AGPAT3: variants seen among roughly 807,000 people sequenced by gnomAD.
AGPAT3 encodes 1-acylglycerol-3-phosphate O-acyltransferase 3, also known as 1-acyl-sn-glycerol-3-phosphate acyltransferase gamma.
Under a neutral mutation model 47.3 loss-of-function variants are expected in AGPAT3, and 5 were observed. The observed-to-expected ratio is 0.11, with a 90% CI of 0.06 to 0.22. The LOEUF (loss-of-function observed/expected upper bound fraction) is 0.22, where lower values mean the gene tolerates loss of function less well. AGPAT3 is among the 10% of genes least tolerant of loss of function. The pLI, the probability that AGPAT3 is intolerant of heterozygous loss-of-function variation, is 1.00. For synonymous variants in AGPAT3, 212 were observed against 208.3 expected (o/e 1.02, Z -0.15); for missense variants, 315 against 493.0 (o/e 0.64, Z 3.42).
chr21:43,938,496 G>T (rs990942619), intron 2 of AGPAT3, among the ~76,000 whole-genome samples: 3 of 151,976 alleles, frequency 2.0e-5, no homozygotes, highest in African/African-American at 7.3e-5. Context: ...GTTTCACCAT[G>T]TTGGCCAGGC....
chr21:43,927,491 A>G (rs964029211), intron 2 of AGPAT3, among the ~76,000 whole-genome samples: 14 of 152,180 alleles, frequency 9.2e-5, no homozygotes, highest in African/African-American at 3.4e-4. Context: ...ACCTGATTTT[A>G]GAAGTTAGCA....
Position 43,963,097 on chromosome 21 carries a change from G to A in AGPAT3, c.178+3238G>A, listed in dbSNP as rs921786594. Among the ~76,000 whole-genome samples, 8 of 152,324 alleles carry A rather than the reference G, an allele frequency of 5.3e-5. No homozygotes were observed. In the South Asian group the frequency reaches 1.7e-3, roughly 32 times the overall value. ...AACCGTATGGATGGATTTTGTATCA[G>A]ATTAGACACAGTTAATGAGAGAATG... On this transcript the variant is annotated intron_variant, in intron 3 of 9. Transcript: ENST00000291572.
intron 1 of AGPAT3, among the ~76,000 whole-genome samples, chr21:43,884,321 T>C (rs1026039763): frequency 2.1e-5 from 3 of 144,704 alleles, no homozygotes; most frequent in Admixed American, 1.4e-4. Context: ...TTTGGCCTCA[T>C]AGATAAGCGG....
rs555369258 is a variant in AGPAT3, at chr21:43,908,459, G to A, written c.-49+4440G>A. On this transcript the variant is annotated intron_variant, in intron 2 of 9. Coordinates refer to ENST00000291572, the MANE Select transcript of AGPAT3 (RefSeq NM_020132.5). This position sits in a 1 kb window ranked among gnomAD's most constrained non-coding sequence, Gnocchi z 4.9. ...TTGTGGAACCCGGTGTGTATGACTC[G>A]CTCCGTGATTCATAACAAGGCATTT... 9.2e-5 allele frequency among the ~76,000 whole-genome samples: 14 copies of A among 152,270 alleles called. No individual in the cohort carries two copies. The South Asian group carries it at 2.5e-3, about 27-fold the overall frequency.
intron 7 of AGPAT3, among the ~76,000 whole-genome samples, chr21:43,972,904 C>T (rs959753844): frequency 2.6e-5 from 4 of 152,240 alleles, no homozygotes; most frequent in South Asian, 2.1e-4. Context: ...CTGCACAGAG[C>T]GGTCACTATA....
chr21:43,959,499 G>C (rs2088718907), intron 2 of AGPAT3, 135 bp from the exon 3 acceptor site: 1 of 737,066 alleles, frequency 1.4e-6, no homozygotes, highest in East Asian at 2.7e-5. Flanking sequence ...ACGTGTGTGG[G>C]GTTTGCAGTG....
intron 1 of AGPAT3, among the ~76,000 whole-genome samples, chr21:43,870,162 G>C (rs1422698154): frequency 6.6e-6 from 1 of 152,236 alleles, no homozygotes; most frequent in Non-Finnish European, 1.5e-5. Flanking sequence ...GGCTGGCAGT[G>C]AGCTGGTGCA....
intron 2 of AGPAT3, among the ~76,000 whole-genome samples, chr21:43,924,206 T>A (rs1449319242): frequency 7.3e-6 from 1 of 136,642 alleles, no homozygotes; most frequent in African/African-American, 2.7e-5. Flanking sequence ...TTTTTTTTTT[T>A]AGCAGAGACG....
In AGPAT3 at chr21:43,985,471, C is replaced by T. The variant is rs754259830; in HGVS notation, c.*3079C>T. 2.5e-5 allele frequency: 8 copies of T among 318,682 alleles called. No homozygotes were observed. The highest frequency in any genetic ancestry group is 4.7e-5 in the Admixed American group (1 of 21,150). The allele number at this position is 318,682 out of a possible 1,614,324, so 19.7% of individuals were successfully genotyped here. ...CCTTGCCTGTCCCGACTCCCTTTCG[C>T]GCACCGTGGCATGAGAATCTTTCCT... is the stretch of plus-strand genomic sequence containing the variant. On this transcript the variant is annotated 3_prime_UTR_variant, in exon 10 of 10. Transcript: ENST00000291572.
At chr21:43,962,329 C>T (rs1193568270) in intron 3 of AGPAT3, among the ~76,000 whole-genome samples, 1 of 151,962 alleles carries the variant, frequency 6.6e-6, no homozygotes, top group Non-Finnish European at 1.5e-5. Flanking sequence ...AAATGAAAGG[C>T]TGCTGCTTTT....
intron 2 of AGPAT3, among the ~76,000 whole-genome samples, chr21:43,928,417 G>A (rs2087128753): frequency 6.6e-6 from 1 of 152,224 alleles, no homozygotes; most frequent in Admixed American, 6.5e-5. Flanking sequence ...CCCCGAGGGA[G>A]TGAAATAGGG....
intron 7 of AGPAT3, 48 bp downstream of exon 7, chr21:43,971,538 A>G (rs764565904): frequency 6.3e-7 from 1 of 1,581,272 alleles, no homozygotes; most frequent in South Asian, 1.1e-5. Flanking sequence ...TACCTTCATG[A>G]GCTTGCGCTG....
At chr21:43,973,181 C>T (rs994664141) in intron 7 of AGPAT3, among the ~76,000 whole-genome samples, 3 of 152,244 alleles carry the variant, frequency 2.0e-5, no homozygotes, top group East Asian at 1.9e-4. Flanking sequence ...GTTCTTCTCC[C>T]GACCCGGGGT....
chr21:43,869,214 G>C (rs960467347), intron 1 of AGPAT3, among the ~76,000 whole-genome samples: 3 of 152,130 alleles, frequency 2.0e-5, no homozygotes, highest in Non-Finnish European at 2.9e-5. Flanking sequence ...CGGTACACTT[G>C]GTGGGAGTAA....
intron 1 of AGPAT3, among the ~76,000 whole-genome samples, chr21:43,900,957 G>A (rs1269415210): frequency 6.6e-6 from 1 of 152,112 alleles, no homozygotes; most frequent in African/African-American, 2.4e-5. Context: ...CAGCAGCCAA[G>A]CAAAAGTGAC....
chr21:43,952,575 C>T lies in AGPAT3; in HGVS notation c.-48-7059C>T, dbSNP rs1004791421. Among the ~76,000 whole-genome samples the T allele has an allele frequency of 2.0e-5, 3 of 152,142 alleles. No individual in the cohort carries two copies. Among genetic ancestry groups the T allele is most frequent in the Non-Finnish European group, 4.4e-5 (3 of 68,012 alleles). On this transcript the variant is annotated intron_variant, in intron 2 of 9. Coordinates refer to ENST00000291572, the MANE Select transcript of AGPAT3 (RefSeq NM_020132.5). This position sits in a 1 kb window ranked among gnomAD's most constrained non-coding sequence, Gnocchi z 5.6. ...ACACCCCGGTAGCTTGTGCAGGGGC[C>T]AGGACAAAACCCAAGAAGCAGCCAT...
intron 1 of AGPAT3, among the ~76,000 whole-genome samples, chr21:43,865,787 T>A (rs1235967725): frequency 6.6e-6 from 1 of 151,556 alleles, no homozygotes; most frequent in Non-Finnish European, 1.5e-5. Flanking sequence ...GGCTCCCCCG[T>A]GGACAGGACG....
intron 2 of AGPAT3, among the ~76,000 whole-genome samples, chr21:43,909,292 ATTTTTTT>A (rs11365476): frequency 2.9e-5 from 3 of 102,304 alleles, no homozygotes; most frequent in Non-Finnish European, 4.0e-5. Flanking sequence ...TTTCATACAC[ATTTTTTT>A]TTTTTTTTTT....
chr21:43,975,618 C>G (rs762745474), intron 7 of AGPAT3, among the ~76,000 whole-genome samples: 3 of 152,234 alleles, frequency 2.0e-5, no homozygotes, highest in Non-Finnish European at 4.4e-5. Context: ...GCAGCTCAAG[C>G]CTGGTCTTTC....
Sources: allele counts gnomAD v4.1 joint callset (sites outside exome capture counted in the v4.1 genomes callset), GRCh38; gene constraint gnomAD v4.1.1; non-coding constraint Gnocchi (gnomAD v3.1); transcripts MANE v1.5; gene names NCBI Gene and HGNC (gene_info 2026-07-23, HGNC 2026-07-21).